NFATC1: variants seen among roughly 807,000 people sequenced by gnomAD.
The protein encoded by NFATC1 is nuclear factor of activated T-cells, cytoplasmic 1.
Under a neutral mutation model 76.0 loss-of-function variants are expected in NFATC1, and 22 were observed. That is an observed-to-expected ratio of 0.29 (90% CI 0.21 to 0.41). The LOEUF is 0.41. NFATC1 is among the 10% of genes least tolerant of loss of function. NFATC1 has a pLI of 1.00. For missense variants in NFATC1, 1,357 were observed against 1,337.7 expected (o/e 1.01, Z -0.23); for synonymous variants, 704 against 613.1 (o/e 1.15, Z -2.19).
chr18:79,397,642 A>C (rs1213967273), intron 1 of NFATC1, among the ~76,000 whole-genome samples: 2 of 152,164 alleles, frequency 1.3e-5, no homozygotes, highest in Middle Eastern at 3.2e-3. Flanking sequence ...GAGTTTAAAA[A>C]ATTTTTTTTT....
Position 79,410,382 on chromosome 18 carries a change from T to C in NFATC1, c.128-21T>C, listed in dbSNP as rs1181473866. The C allele has an allele frequency of 1.3e-6, 2 of 1,584,378 alleles. No individual in the cohort carries two copies. On this transcript the variant is annotated intron_variant, in intron 1 of 9. Transcript: ENST00000427363. The surrounding 1 kb of genome is among the most constrained non-coding windows in gnomAD (Gnocchi z 6.7). ...TGATGCCCAGCCCCTCATGCTCCCA[T>C]CTGCTTCTTTTTCTCTCTAGAACAC...
chr18:79,485,803 C>T lies in NFATC1; in HGVS notation c.2093-445C>T, dbSNP rs568773285. ...GCTTCTCTCCTGGAGCAGTCGTTCA[C>T]CTTTGCAGTTGGATTTTTACTGACT... On this transcript the variant is annotated intron_variant, in intron 8 of 9. Coordinates refer to ENST00000427363, the MANE Select transcript of NFATC1 (RefSeq NM_001278669.2). 3.3e-5 allele frequency among the ~76,000 whole-genome samples: 5 copies of T among 152,368 alleles called. No homozygotes were observed. In the East Asian group the frequency reaches 9.6e-4, roughly 29 times the overall value.
intron 8 of NFATC1, among the ~76,000 whole-genome samples, chr18:79,475,484 C>T (rs529710244): frequency 0.012 from 1,795 of 151,456 alleles, 65 homozygotes; most frequent in African/African-American, 0.042. Flanking sequence ...TGTTTTCACG[C>T]TCACTGTCGA....
chr18:79,423,787 C>T (rs1015680707), intron 2 of NFATC1, among the ~76,000 whole-genome samples: 1 of 152,230 alleles, frequency 6.6e-6, no homozygotes, highest in Non-Finnish European at 1.5e-5. Context: ...GAGGCCCGTG[C>T]CCTCCTCTGG....
intron 9 of NFATC1, among the ~76,000 whole-genome samples, chr18:79,490,307 G>C (rs2089640343): frequency 6.6e-6 from 1 of 151,236 alleles, no homozygotes; most frequent in African/African-American, 2.4e-5. Flanking sequence ...TCTGGGTTAG[G>C]ACAGGGTGGT....
intron 9 of NFATC1, among the ~76,000 whole-genome samples, chr18:79,516,946 T>C (rs1051291138): frequency 5.3e-5 from 8 of 152,222 alleles, no homozygotes; most frequent in African/African-American, 1.9e-4. Context: ...AATTGAAAGC[T>C]GTGTATTCAG....
At chr18:79,520,888 C>CTG (rs1220301483) in intron 9 of NFATC1, among the ~76,000 whole-genome samples, 1 of 77,894 alleles carries the variant, frequency 1.3e-5, no homozygotes, top group African/African-American at 5.3e-5. Flanking sequence ...GTGTGTGTGT[C>CTG]TGTGTGTGTG....
At chr18:79,437,761 G>A (rs745537507) in intron 3 of NFATC1, among the ~76,000 whole-genome samples, 4 of 152,198 alleles carry the variant, frequency 2.6e-5, no homozygotes, top group Non-Finnish European at 5.9e-5. Flanking sequence ...CCTCACCCTG[G>A]AGGGCCTGCT....
chr18:79,485,215 C>T lies in NFATC1; in HGVS notation c.2093-1033C>T, dbSNP rs555273289. 3.9e-5 allele frequency among the ~76,000 whole-genome samples: 6 copies of T among 152,282 alleles called. No individual in the cohort carries two copies. The East Asian group carries it at 7.7e-4, about 20-fold the overall frequency. On this transcript the variant is annotated intron_variant, in intron 8 of 9. Transcript: ENST00000427363. ...CAAAAACCCACCAGTGTGCAGCCCACGGGGAGGAGAAAACAGGCTGAGGAG... is the reference window on the plus strand; with the variant it reads ...CAAAAACCCACCAGTGTGCAGCCCATGGGGAGGAGAAAACAGGCTGAGGAG...
chr18:79,526,836 G>A (rs917818707), intron 9 of NFATC1, among the ~76,000 whole-genome samples: 9 of 152,300 alleles, frequency 5.9e-5, no homozygotes, highest in Non-Finnish European at 1.0e-4. Context: ...GGCTCTGGGC[G>A]CTCCAGCCCA....
At chr18:79,474,040 T>G (rs1164139971) in intron 8 of NFATC1, among the ~76,000 whole-genome samples, 2 of 145,744 alleles carry the variant, frequency 1.4e-5, no homozygotes, top group African/African-American at 5.2e-5. Context: ...AAGCGTGTTC[T>G]CACGCTCGCT....
At chr18:79,493,189 C>G (rs1355051972) in intron 9 of NFATC1, among the ~76,000 whole-genome samples, 5 of 152,252 alleles carry the variant, frequency 3.3e-5, no homozygotes, top group Admixed American at 3.3e-4. Context: ...TCCACGCATT[C>G]CGCATCGTGG....
chr18:79,483,847 G>GGTTCCTGGGGTGTCATTCCAGCGTGACA (rs2089411236), intron 8 of NFATC1, among the ~76,000 whole-genome samples: 1 of 93,882 alleles, frequency 1.1e-5, no homozygotes, highest in Non-Finnish European at 2.0e-5. Context: ...CCAGCGTGAC[G>GGTTCCTGGGGTGTCATTCCAGCGTGACA]TGGTTCCTGG....
chr18:79,398,427 G>A (rs563108999), intron 1 of NFATC1, among the ~76,000 whole-genome samples: 2 of 152,360 alleles, frequency 1.3e-5, no homozygotes, highest in African/African-American at 4.8e-5. Context: ...GGGAGGATGC[G>A]TCCAAGCTAA....
At chr18:79,400,513 G>T in intron 1 of NFATC1, 1 of 1,382,806 alleles carries the variant, frequency 7.2e-7, no homozygotes. Flanking sequence ...GGGGGCGCGG[G>T]GCCAGGTCGG....
Position 79,474,446 on chromosome 18 carries a change from C to T in NFATC1, c.2092+6864C>T, listed in dbSNP as rs545005659. On this transcript the variant is annotated intron_variant, in intron 8 of 9. Coordinates refer to ENST00000427363, the MANE Select transcript of NFATC1 (RefSeq NM_001278669.2). ...CAACTTTGCAAGGGAAGCGTGTTCTCGCGCTCACTGTCGACGTTGTAAACC... is the reference window on the plus strand; with the variant it reads ...CAACTTTGCAAGGGAAGCGTGTTCTTGCGCTCACTGTCGACGTTGTAAACC... 1.6e-4 allele frequency among the ~76,000 whole-genome samples: 23 copies of T among 148,174 alleles called. 2 individuals are homozygous for T. Among genetic ancestry groups the T allele is most frequent in the Non-Finnish European group, 3.0e-4 (20 of 67,384 alleles).
intron 8 of NFATC1, among the ~76,000 whole-genome samples, chr18:79,481,626 G>GTGCACCT (rs1416239200): frequency 1.2e-4 from 19 of 152,368 alleles, no homozygotes; most frequent in African/African-American, 4.6e-4. Flanking sequence ...GCCAAGGCCT[G>GTGCACCT]TGCACCTTCT....
At chr18:79,469,079 A>AC (rs1301608928) in intron 8 of NFATC1, 1 of 156,468 alleles carries the variant, frequency 6.4e-6, no homozygotes, top group African/African-American at 2.4e-5. Context: ...CACGCTCTGG[A>AC]CCCCCCTGGG....
chr18:79,447,521 G>C, intron 3 of NFATC1, among the ~76,000 whole-genome samples: 1 of 152,346 alleles, frequency 6.6e-6, no homozygotes, highest in Non-Finnish European at 1.5e-5. Context: ...CAGGATGAGT[G>C]GTTCCCGGGG....
Sources: allele counts gnomAD v4.1 joint callset (sites outside exome capture counted in the v4.1 genomes callset), GRCh38; gene constraint gnomAD v4.1.1; non-coding constraint Gnocchi (gnomAD v3.1); transcripts MANE v1.5; gene names NCBI Gene and HGNC (gene_info 2026-07-23, HGNC 2026-07-21).